The following UNC13C variants were observed in gnomAD, a reference collection of about 807,000 sequenced individuals.
UNC13C encodes the protein protein unc-13 homolog C.
Under a neutral mutation model 245.4 loss-of-function variants are expected in UNC13C, and 174 were observed. The observed-to-expected ratio is 0.71, with a 90% CI of 0.63 to 0.80. The LOEUF (loss-of-function observed/expected upper bound fraction) is 0.80, where lower values mean the gene tolerates loss of function less well. UNC13C is among the 30% of genes least tolerant of loss of function. The probability of loss-of-function intolerance (pLI) is 0.00; values close to 1 mark genes in which losing one functional copy is unlikely to be tolerated. For missense variants in UNC13C, 2,829 were observed against 2,602.9 expected (o/e 1.09, Z -1.89); for synonymous variants, 992 against 895.1 (o/e 1.11, Z -1.93).
chr15:54,318,292 G>C (rs1031151574), intron 13 of UNC13C, among the ~76,000 whole-genome samples: 1 of 151,726 alleles, frequency 6.6e-6, no homozygotes, highest in Non-Finnish European at 1.5e-5. Context: ...GTTTTTTGAA[G>C]AACCACCATA....
At chr15:53,919,486 T>C in the UNC13C span, among the ~76,000 whole-genome samples, 2 of 152,208 alleles carry the variant, frequency 1.3e-5, no homozygotes, top group East Asian at 3.8e-4. Context: ...GGACAAATTC[T>C]TGGAGCTGCT....
At chr15:54,410,483 G>A (rs1380889917) in intron 18 of UNC13C, among the ~76,000 whole-genome samples, 2 of 151,684 alleles carry the variant, frequency 1.3e-5, no homozygotes, top group Non-Finnish European at 2.9e-5. Context: ...GTGTTCTTCT[G>A]GGTTCTTATA....
intron 13 of UNC13C, among the ~76,000 whole-genome samples, chr15:54,303,339 C>G (rs930697510): frequency 6.6e-6 from 1 of 152,100 alleles, no homozygotes; most frequent in African/African-American, 2.4e-5. Flanking sequence ...ATTGTTCTGC[C>G]TAAAGAAAGG....
chr15:53,867,490 A>G, the UNC13C span, among the ~76,000 whole-genome samples: 1 of 152,144 alleles, frequency 6.6e-6, no homozygotes, highest in African/African-American at 2.4e-5. Flanking sequence ...CCGCTTTACA[A>G]CTTCTGCAGT....
the UNC13C span, among the ~76,000 whole-genome samples, chr15:53,958,290 T>C: frequency 2.3e-4 from 35 of 152,302 alleles, no homozygotes; most frequent in East Asian, 6.6e-3. Context: ...CGAAAACCAT[T>C]CTCAAATTTC....
intron 30 of UNC13C, among the ~76,000 whole-genome samples, chr15:54,604,419 A>T (rs934751638): frequency 3.3e-5 from 5 of 152,208 alleles, no homozygotes; most frequent in Admixed American, 3.3e-4. Flanking sequence ...AAAGAAAAAC[A>T]GCTGTAACAC....
chr15:54,333,726 A>C (rs2038500188), intron 15 of UNC13C, 41 bp from the exon 16 acceptor site: 5 of 1,355,426 alleles, frequency 3.7e-6, no homozygotes, highest in Middle Eastern at 1.8e-4. Flanking sequence ...CTAGAAGTTT[A>C]CTGCTGACAA....
intron 4 of UNC13C, among the ~76,000 whole-genome samples, chr15:54,214,925 G>A (rs574447798): frequency 1.3e-5 from 2 of 151,882 alleles, no homozygotes; most frequent in Non-Finnish European, 2.9e-5. Flanking sequence ...TAAATAGCAT[G>A]AATTTTAATT....
chr15:54,047,061 C>T (rs751951935), intron 2 of UNC13C, among the ~76,000 whole-genome samples: 5 of 151,948 alleles, frequency 3.3e-5, no homozygotes, highest in Admixed American at 1.3e-4. Flanking sequence ...ATTTTCTAAG[C>T]GGTATTTATT....
chr15:54,047,918 A>C lies in UNC13C; in HGVS notation c.2983+32032A>C, dbSNP rs542228213. Among the ~76,000 whole-genome samples the C allele has an allele frequency of 8.5e-5, 13 of 152,314 alleles. No individual in the cohort carries two copies. The South Asian group carries it at 2.7e-3, about 32-fold the overall frequency. ...GATGAAATAATGGGCAAAAAACTGA[A>C]ATATAATTAACACTACACAGGCATA... On this transcript the variant is annotated intron_variant, in intron 2 of 32. Coordinates refer to ENST00000260323, the MANE Select transcript of UNC13C (RefSeq NM_001080534.3).
At chr15:53,990,217 G>A (rs1894324090) in intron 1 of UNC13C, among the ~76,000 whole-genome samples, 1 of 151,902 alleles carries the variant, frequency 6.6e-6, no homozygotes, top group Admixed American at 6.6e-5. Context: ...ACCTGTTTTT[G>A]TCCCATTCTC....
At position 54,462,135 on chromosome 15, in the gene UNC13C, A is replaced by G. The variant is rs192329165; in HGVS notation, c.4934-32473A>G. 2.1e-3 allele frequency among the ~76,000 whole-genome samples: 316 copies of G among 152,374 alleles called. 1 individual carries two copies. Among genetic ancestry groups the G allele is most frequent in the Non-Finnish European group, 3.5e-3 (241 of 68,042 alleles). On this transcript the variant is annotated intron_variant, in intron 19 of 32. Coordinates refer to ENST00000260323, the MANE Select transcript of UNC13C (RefSeq NM_001080534.3). ...GGCCTTTGCCAGGGGTGTGACAAAG[A>G]AAAAGAGAGGCCAAGTAGTTGAGCA... is the stretch of plus-strand genomic sequence containing the variant.
At chr15:53,882,550 A>C in the UNC13C span, among the ~76,000 whole-genome samples, 1 of 152,206 alleles carries the variant, frequency 6.6e-6, no homozygotes, top group Admixed American at 6.5e-5. Flanking sequence ...ATAGTCCTTT[A>C]AGAAAAGACA....
intron 4 of UNC13C, among the ~76,000 whole-genome samples, chr15:54,153,614 T>A (rs2032618647): frequency 6.6e-6 from 1 of 152,112 alleles, no homozygotes; most frequent in Admixed American, 6.5e-5. Flanking sequence ...CATTTCTGGA[T>A]CTGTTCTATT....
chr15:54,454,076 T>C (rs1891333694), intron 19 of UNC13C, among the ~76,000 whole-genome samples: 1 of 152,100 alleles, frequency 6.6e-6, no homozygotes, highest in African/African-American at 2.4e-5. Flanking sequence ...GGTTTACCCA[T>C]ATTGTAACAT....
At chr15:53,897,897 A>G in the UNC13C span, among the ~76,000 whole-genome samples, 1 of 152,184 alleles carries the variant, frequency 6.6e-6, no homozygotes, top group Non-Finnish European at 1.5e-5. Flanking sequence ...TCTAACCCCT[A>G]CTAAAAATCC....
At chr15:53,846,204 T>C in the UNC13C span, among the ~76,000 whole-genome samples, 1 of 152,218 alleles carries the variant, frequency 6.6e-6, no homozygotes, top group Non-Finnish European at 1.5e-5. Context: ...TATTGAGGCA[T>C]AACCCCATTG....
intron 2 of UNC13C, among the ~76,000 whole-genome samples, chr15:54,105,314 T>C (rs7182932): frequency 0.012 from 1,895 of 152,168 alleles, 35 homozygotes; most frequent in African/African-American, 0.045. Flanking sequence ...TTTCAGATGG[T>C]CAATTATTCT....
chr15:53,870,565 A>G, the UNC13C span, among the ~76,000 whole-genome samples: 1 of 152,058 alleles, frequency 6.6e-6, no homozygotes, highest in Non-Finnish European at 1.5e-5. Context: ...GTACCTGGAT[A>G]TAAGAAAAAT....
Sources: gnomAD v4.1 joint callset for allele counts (sites outside exome capture counted in the v4.1 genomes callset) on GRCh38, gnomAD v4.1.1 for gene constraint, MANE v1.5 for transcripts, NCBI Gene and HGNC (gene_info 2026-07-23, HGNC 2026-07-21) for gene names.